The following DEFB1 variants were observed in gnomAD, a reference collection of about 807,000 sequenced individuals.
The protein encoded by DEFB1 is beta-defensin 1.
Under a neutral mutation model 2.6 loss-of-function variants are expected in DEFB1, and 4 were observed. The ratio of observed to expected loss-of-function variants is 1.53; its 90% CI spans 0.76 to 3.51. The LOEUF (loss-of-function observed/expected upper bound fraction) is 3.51. DEFB1 is among the 30% of genes most tolerant of loss of function. The pLI, the probability that DEFB1 is intolerant of heterozygous loss-of-function variation, is 0.01. For missense variants in DEFB1, 162 were observed against 76.9 expected, an observed-to-expected ratio of 2.11 and a Z score of -4.14; for synonymous variants, 56 against 28.5, an observed-to-expected ratio of 1.96 and a Z score of -3.07.
At position 6,870,794 on chromosome 8, in the gene DEFB1, A is replaced by T. The variant is rs759532551; in HGVS notation, c.94T>A (p.Ser32Thr). The T allele has an allele frequency of 1.2e-6, 2 of 1,614,082 alleles. No homozygotes were observed. Among genetic ancestry groups the T allele is most frequent in the South Asian group, 2.2e-5 (2 of 91,030 alleles). Reference sequence around the variant, plus strand: ...CTGCTGACGCAATTGTAATGATCAGATCTGTGGCCAAGGCCTGTGAGAAAG... The same window carrying T: ...CTGCTGACGCAATTGTAATGATCAGTTCTGTGGCCAAGGCCTGTGAGAAAG... ...GNFLTGLGHR[S>T]DHYNCVSSGG... The change falls in exon 2 of 2, where the codon TCT (serine) becomes ACT (threonine). Residue 32 changes from serine (S) to threonine (T), a missense_variant. Physicochemically the swap from Ser to Thr is moderately conservative, Grantham distance 58 (BLOSUM62 1). Coordinates refer to ENST00000297439, the MANE Select transcript of DEFB1 (RefSeq NM_005218.4).
At chr8:6,870,858 C>T in intron 1 of DEFB1, 32 bp from the exon 2 acceptor site, 2 of 1,580,306 alleles carry the variant, frequency 1.3e-6, no homozygotes, top group Non-Finnish European at 1.7e-6. Flanking sequence ...ACTTCAGACT[C>T]ATGGCTTGTA....
chr8:6,871,298 T>C (rs1307181266), intron 1 of DEFB1, among the ~76,000 whole-genome samples: 1 of 152,194 alleles, frequency 6.6e-6, no homozygotes, highest in African/African-American at 2.4e-5. Flanking sequence ...CATCACTATT[T>C]CAGCTGAAAT....
rs752292305 is a variant in DEFB1 at position 6,870,770 on chromosome 8, T to C, written c.118A>G (p.Ser40Gly). The C allele has an allele frequency of 1.2e-6, 2 of 1,614,270 alleles. No homozygotes were observed. The highest frequency in any genetic ancestry group is 2.2e-5 in the East Asian group (1 of 44,894). Residue 40 changes from serine (S) to glycine (G), a missense_variant, in exon 2 of 2, where the codon AGT becomes GGT. By Grantham distance (56) the Ser-to-Gly change is moderately conservative. Transcript: ENST00000297439. ...GCAGAATAGAGACATTGCCCTCCAC[T>C]GCTGACGCAATTGTAATGATCAGAT... ...HRSDHYNCVS[S>G]GGQCLYSACP...
At chr8:6,872,293 C>A (rs1365872057) in intron 1 of DEFB1, among the ~76,000 whole-genome samples, 2 of 152,204 alleles carry the variant, frequency 1.3e-5, no homozygotes, top group Non-Finnish European at 2.9e-5. Context: ...ATATGGCAGC[C>A]ACATGCTCCC....
At chr8:6,874,114 G>GAC (rs1806428391) in intron 1 of DEFB1, among the ~76,000 whole-genome samples, 1 of 135,992 alleles carries the variant, frequency 7.4e-6, no homozygotes, top group Non-Finnish European at 1.5e-5. Flanking sequence ...TAGAATATCT[G>GAC]ACATACACAC....
In DEFB1 at chr8:6,877,645, C is replaced by T. The variant is rs1001671257; in HGVS notation, c.61+152G>A. ...AGGCTTGGCAGGGCTTGCCTGCTGCCTTCTGCCAACTGCAGGCCACTCAAC... is the reference window on the plus strand; with the variant it reads ...AGGCTTGGCAGGGCTTGCCTGCTGCTTTCTGCCAACTGCAGGCCACTCAAC... On this transcript the variant is annotated intron_variant, in intron 1 of 1. Coordinates refer to ENST00000297439, the MANE Select transcript of DEFB1 (RefSeq NM_005218.4). 11 of 672,488 alleles carry T rather than the reference C, an allele frequency of 1.6e-5. No individual in the cohort carries two copies. The Admixed American group carries it at 2.4e-4, about 15-fold the overall frequency. The allele number at this position is 672,488 out of a possible 1,614,324, so 41.7% of individuals were successfully genotyped here.
chr8:6,871,527 T>C (rs74607985), intron 1 of DEFB1, among the ~76,000 whole-genome samples: 1,936 of 152,268 alleles, frequency 0.013, 43 homozygotes, highest in African/African-American at 0.043. Context: ...AAGTCTCCAC[T>C]GGTAGGCGTT....
At chr8:6,870,915 C>T in intron 1 of DEFB1, 89 bp from the exon 2 acceptor site, 1 of 1,389,208 alleles carries the variant, frequency 7.2e-7, no homozygotes, top group Non-Finnish European at 9.7e-7. Context: ...CAAATAACTG[C>T]AAAACACCGG....
intron 1 of DEFB1, among the ~76,000 whole-genome samples, chr8:6,872,498 G>A (rs1412014087): frequency 6.6e-6 from 1 of 151,970 alleles, no homozygotes; most frequent in East Asian, 2.0e-4. Flanking sequence ...ACGTTGGGAA[G>A]TCTATTGGCC....
intron 1 of DEFB1, among the ~76,000 whole-genome samples, chr8:6,871,767 C>G (rs889400644): frequency 3.9e-5 from 6 of 152,188 alleles, no homozygotes; most frequent in Non-Finnish European, 7.4e-5. Context: ...CGGTCATCTA[C>G]CAGCCAAGGA....
chr8:6,874,293 A>G (rs978724701), intron 1 of DEFB1, among the ~76,000 whole-genome samples: 1 of 152,236 alleles, frequency 6.6e-6, no homozygotes, highest in African/African-American at 2.4e-5. Context: ...GGCCTGAAAC[A>G]TTTTGAAATG....
chr8:6,870,851 T>G, intron 1 of DEFB1, 25 bp from the exon 2 acceptor site: 1 of 1,588,920 alleles, frequency 6.3e-7, no homozygotes, highest in Non-Finnish European at 8.6e-7. Context: ...CACAAACACT[T>G]CAGACTCATG....
At chr8:6,876,039 G>C (rs1806514773) in intron 1 of DEFB1, among the ~76,000 whole-genome samples, 1 of 152,130 alleles carries the variant, frequency 6.6e-6, no homozygotes, top group Admixed American at 6.5e-5. Flanking sequence ...AAACCCTTTT[G>C]AGTTTGGACT....
chr8:6,871,942 G>A (rs192190425), intron 1 of DEFB1, among the ~76,000 whole-genome samples: 30 of 152,276 alleles, frequency 2.0e-4, no homozygotes, highest in Middle Eastern at 3.4e-3. Flanking sequence ...AGAGGCCATC[G>A]CTACCCTAGG....
intron 1 of DEFB1, among the ~76,000 whole-genome samples, chr8:6,876,900 T>A (rs562748213): frequency 6.6e-6 from 1 of 151,468 alleles, no homozygotes; most frequent in East Asian, 1.9e-4. Context: ...CATGAAAAGT[T>A]CTGCATTTAG....
intron 1 of DEFB1, among the ~76,000 whole-genome samples, chr8:6,874,358 TTA>T (rs1318176152): frequency 4.1e-5 from 2 of 48,220 alleles, no homozygotes; most frequent in Non-Finnish European, 8.1e-5. Context: ...GATTACTTTT[TTA>T]AAAAAAATTA....
At chr8:6,873,532 G>T (rs950178765) in intron 1 of DEFB1, among the ~76,000 whole-genome samples, 1 of 152,212 alleles carries the variant, frequency 6.6e-6, no homozygotes, top group Admixed American at 6.5e-5. Context: ...CCATAAAAAA[G>T]AATGAAGGTG....
chr8:6,870,796 C>T lies in DEFB1; in HGVS notation c.92G>A (p.Arg31Lys). 2.5e-6 allele frequency: 4 copies of T among 1,614,044 alleles called. No homozygotes were observed. The highest frequency in any genetic ancestry group is 3.4e-6 in the Non-Finnish European group (4 of 1,179,958). ...GGNFLTGLGHRSDHYNCVSSG... is the reference protein window; with the variant it reads ...GGNFLTGLGHKSDHYNCVSSG... ...GCTGACGCAATTGTAATGATCAGAT[C>T]TGTGGCCAAGGCCTGTGAGAAAGTT... The change falls in exon 2 of 2, where the codon AGA (arginine) becomes AAA (lysine). Residue 31 changes from arginine (R) to lysine (K), a missense_variant. Coordinates refer to ENST00000297439, the MANE Select transcript of DEFB1 (RefSeq NM_005218.4).
chr8:6,877,147 C>T (rs1028560529), intron 1 of DEFB1, among the ~76,000 whole-genome samples: 19 of 152,308 alleles, frequency 1.2e-4, no homozygotes, highest in African/African-American at 4.3e-4. Flanking sequence ...TGGGATAAAA[C>T]ATGTTCCCGA....
Sources: allele counts gnomAD v4.1 joint callset (sites outside exome capture counted in the v4.1 genomes callset), GRCh38; gene constraint gnomAD v4.1.1; transcripts MANE v1.5; gene names NCBI Gene and HGNC (gene_info 2026-07-23, HGNC 2026-07-21).